The following ACOT12 variants were observed in gnomAD, a reference collection of about 807,000 sequenced individuals.
The protein encoded by ACOT12 is acyl-CoA thioesterase 12.
In ACOT12, 51 loss-of-function variants were observed where a neutral mutation model predicts 67.7. The ratio of observed to expected loss-of-function variants is 0.75; its 90% CI spans 0.60 to 0.95. The LOEUF is 0.95. ACOT12 is among the 40% of genes least tolerant of loss of function. The pLI is 0.00. For synonymous variants in ACOT12, 251 were observed against 244.6 expected (o/e 1.03, Z -0.24); for missense variants, 734 against 708.1 (o/e 1.04, Z -0.41).
chr5:81,349,034 G>A (rs1282225439), intron 5 of ACOT12, among the ~76,000 whole-genome samples: 1 of 152,152 alleles, frequency 6.6e-6, no homozygotes, highest in Non-Finnish European at 1.5e-5. Flanking sequence ...GCTATTGTTG[G>A]GAAGGAGGGG....
chr5:81,343,753 A>G, intron 10 of ACOT12, 65 bp downstream of exon 10: 2 of 1,533,042 alleles, frequency 1.3e-6, no homozygotes, highest in Non-Finnish European at 1.8e-6. Flanking sequence ...CAGTTAGGCA[A>G]GCGGATTTCC....
chr5:81,366,839 C>T (rs1297065912), intron 3 of ACOT12, among the ~76,000 whole-genome samples: 3 of 151,964 alleles, frequency 2.0e-5, no homozygotes, highest in Non-Finnish European at 4.4e-5. Flanking sequence ...AGAAGCTACA[C>T]AGAATGTAGC....
chr5:81,366,399 CA>C (rs1234484894), intron 3 of ACOT12, among the ~76,000 whole-genome samples: 3 of 152,194 alleles, frequency 2.0e-5, no homozygotes, highest in African/African-American at 7.2e-5. Context: ...GGAATAACAA[CA>C]AAGGATACTA....
the ACOT12 span, among the ~76,000 whole-genome samples, chr5:81,309,404 G>A: frequency 2.0e-5 from 3 of 152,320 alleles, no homozygotes; most frequent in Non-Finnish European, 4.4e-5. Context: ...TATCATTTTG[G>A]TGGAGGGGTG....
At position 81,330,946 on chromosome 5, in the gene ACOT12, A is replaced by ACC; in HGVS notation, c.1392-7_1392-6insGG. ...CTGCCACTGTGTAAGTGTTACTGAA[A>ACC]GAAAACACTTTCTAAGCTCTTGTGA... On this transcript the variant is annotated splice_region_variant and splice_polypyrimidine_tract_variant and intron_variant, in intron 13 of 14. Transcript: ENST00000307624. 1 of 1,584,452 alleles carries ACC rather than the reference A, an allele frequency of 6.3e-7. No individual in the cohort carries two copies. Among genetic ancestry groups the ACC allele is most frequent in the Non-Finnish European group, 8.6e-7 (1 of 1,167,518 alleles).
intron 3 of ACOT12, among the ~76,000 whole-genome samples, chr5:81,367,634 T>G (rs1435463282): frequency 2.6e-5 from 4 of 151,766 alleles, no homozygotes; most frequent in Non-Finnish European, 4.4e-5. Context: ...CTCTAAAAAA[T>G]GCAGGAAAAG....
intron 5 of ACOT12, among the ~76,000 whole-genome samples, chr5:81,356,650 G>C (rs1759724355): frequency 6.6e-6 from 1 of 151,922 alleles, no homozygotes; most frequent in South Asian, 2.1e-4. Context: ...TCAGATCCAT[G>C]ATCTCAGTTC....
chr5:81,379,934 TG>T (rs968397090), intron 2 of ACOT12, among the ~76,000 whole-genome samples: 2 of 152,190 alleles, frequency 1.3e-5, no homozygotes, highest in African/African-American at 2.4e-5. Context: ...ATGAACCAGT[TG>T]GGTTTACCTA....
intron 5 of ACOT12, among the ~76,000 whole-genome samples, chr5:81,359,122 C>T (rs1036736434): frequency 3.3e-5 from 5 of 152,148 alleles, no homozygotes; most frequent in Admixed American, 6.5e-5. Context: ...CCTCTTCTTC[C>T]GGTGCCTTCC....
intron 3 of ACOT12, among the ~76,000 whole-genome samples, chr5:81,369,998 G>A (rs896219188): frequency 6.6e-6 from 1 of 152,164 alleles, no homozygotes; most frequent in African/African-American, 2.4e-5. Flanking sequence ...GAACACATCA[G>A]CCAGGCACAG....
In ACOT12 at chr5:81,347,839, A is replaced by C; in HGVS notation, c.588T>G (p.His196Gln). 3.1e-6 allele frequency: 5 copies of C among 1,614,158 alleles called. No individual in the cohort carries two copies. The South Asian group carries it at 4.4e-5, about 14-fold the overall frequency. ...IELVLPPHAN[H>Q]HGNTFGGQIM... Reference sequence around the variant, plus strand: ...TCTGGCCACCAAATGTATTTCCGTGATGGTTTGCATGGGGTGGGAGGACCA... The same window carrying C: ...TCTGGCCACCAAATGTATTTCCGTGCTGGTTTGCATGGGGTGGGAGGACCA... The change falls in exon 6 of 15, where the codon CAT (histidine) becomes CAG (glutamine). Residue 196 changes from histidine (H) to glutamine (Q), a missense_variant. By Grantham distance (24) the His-to-Gln change is conservative (BLOSUM62 0). Coordinates refer to ENST00000307624, the MANE Select transcript of ACOT12 (RefSeq NM_130767.3).
chr5:81,320,244 G>C, the ACOT12 span, among the ~76,000 whole-genome samples: 75 of 152,334 alleles, frequency 4.9e-4, no homozygotes, highest in Middle Eastern at 0.01. Flanking sequence ...TGCTGAAGCT[G>C]AGGGTATCTG....
At chr5:81,338,175 A>C (rs550501042) in intron 11 of ACOT12, among the ~76,000 whole-genome samples, 44 of 152,332 alleles carry the variant, frequency 2.9e-4, no homozygotes, top group Admixed American at 2.4e-3. Flanking sequence ...TTTTCCAGGA[A>C]CAATTCTCCA....
intron 5 of ACOT12, among the ~76,000 whole-genome samples, chr5:81,348,815 C>T (rs536339472): frequency 3.5e-4 from 54 of 152,336 alleles, no homozygotes; most frequent in African/African-American, 1.0e-3. Context: ...CTGCCCGCCT[C>T]GGCCTCCCAA....
chr5:81,337,871 C>T (rs1759052951), intron 11 of ACOT12, among the ~76,000 whole-genome samples: 1 of 152,206 alleles, frequency 6.6e-6, no homozygotes, highest in Admixed American at 6.5e-5. Context: ...GTTGCAGTCA[C>T]ATGCTTCTGC....
At chr5:81,336,004 G>T in intron 11 of ACOT12, 103 bp from the exon 12 acceptor site, 2 of 1,206,806 alleles carry the variant, frequency 1.7e-6, no homozygotes, top group Non-Finnish European at 2.3e-6. Context: ...CACTAACTAA[G>T]GCATCTTATT....
chr5:81,334,095 C>A (rs1350047680), intron 12 of ACOT12, among the ~76,000 whole-genome samples: 1 of 152,116 alleles, frequency 6.6e-6, no homozygotes, highest in Non-Finnish European at 1.5e-5. Context: ...CAGAAGAAGA[C>A]CACCTTCCCA....
intron 4 of ACOT12, among the ~76,000 whole-genome samples, chr5:81,361,077 C>CAAAAAAAAAA (rs71000820): frequency 1.1e-4 from 6 of 52,620 alleles, no homozygotes; most frequent in Admixed American, 2.4e-4. Context: ...GACTCCATCT[C>CAAAAAAAAAA]AAAAAAAAAA....
intron 1 of ACOT12, among the ~76,000 whole-genome samples, chr5:81,393,333 CTTTT>C (rs768286033): frequency 3.3e-5 from 5 of 152,104 alleles, no homozygotes; most frequent in African/African-American, 4.8e-5. Flanking sequence ...TAGTCCATTT[CTTTT>C]TTAAAAATAA....
Sources: allele counts gnomAD v4.1 joint callset (sites outside exome capture counted in the v4.1 genomes callset), GRCh38; gene constraint gnomAD v4.1.1; transcripts MANE v1.5; gene names NCBI Gene and HGNC (gene_info 2026-07-23, HGNC 2026-07-21).